HMGB1: variants seen among roughly 807,000 people sequenced by gnomAD.
HMGB1 encodes the protein high mobility group box 1.
For synonymous variants in HMGB1, 81 were observed against 84.0 expected (o/e 0.96, Z 0.19); for missense variants, 79 against 253.5 (o/e 0.31, Z 4.67).
chr13:30,505,212 C>CTT, intron 1 of HMGB1, among the ~76,000 whole-genome samples: 1 of 149,090 alleles, frequency 6.7e-6, no homozygotes, highest in East Asian at 2.0e-4. Flanking sequence ...GAGTCTTGCC[C>CTT]TTGTCACCCA....
intron 1 of HMGB1, among the ~76,000 whole-genome samples, chr13:30,509,128 G>A (rs950069481): frequency 7.9e-5 from 12 of 152,080 alleles, no homozygotes; most frequent in African/African-American, 2.9e-4. Flanking sequence ...GTAGAGATGG[G>A]GGTCTCACCA....
intron 1 of HMGB1, among the ~76,000 whole-genome samples, chr13:30,475,223 CTCT>C (rs1176589825): frequency 8.4e-5 from 7 of 83,784 alleles, no homozygotes; most frequent in Non-Finnish European, 1.7e-4. Context: ...CTCTCTCTCT[CTCT>C]TTTTTTTTTT....
intron 1 of HMGB1, chr13:30,464,094 G>A (rs1225301320): frequency 1.5e-5 from 15 of 985,816 alleles, no homozygotes; most frequent in Non-Finnish European, 1.7e-5. Flanking sequence ...GCACTAGATA[G>A]GGAATAAACA....
At chr13:30,529,639 G>A (rs2137484532) in intron 1 of HMGB1, among the ~76,000 whole-genome samples, 1 of 152,324 alleles carries the variant, frequency 6.6e-6, no homozygotes, top group South Asian at 2.1e-4. Context: ...GAGTCATTAT[G>A]ATGCCAGATT....
intron 1 of HMGB1, chr13:30,464,311 G>A (rs969713153): frequency 6.1e-6 from 6 of 985,428 alleles, no homozygotes; most frequent in Non-Finnish European, 7.2e-6. Flanking sequence ...GCCCTGAGAT[G>A]TATTTCTGTT....
chr13:30,567,838 T>C (rs1870254945), intron 1 of HMGB1, among the ~76,000 whole-genome samples: 3 of 152,234 alleles, frequency 2.0e-5, no homozygotes, highest in Admixed American at 6.5e-5. Flanking sequence ...TCTAGCTCTC[T>C]TGCTTGCTCT....
At chr13:30,596,905 T>C (rs1460193065) in intron 1 of HMGB1, among the ~76,000 whole-genome samples, 2 of 152,226 alleles carry the variant, frequency 1.3e-5, no homozygotes, top group African/African-American at 2.4e-5. Context: ...CTGAACCTCA[T>C]TACACTGCAA....
chr13:30,594,564 C>T (rs944457354), intron 1 of HMGB1, among the ~76,000 whole-genome samples: 2 of 152,194 alleles, frequency 1.3e-5, no homozygotes, highest in African/African-American at 4.8e-5. Context: ...TGATTTCATT[C>T]TTTTTAATGG....
rs977802319 is a variant in HMGB1, at chr13:30,554,128, T to C, written c.-15+62543A>G. 13 of 1,264,856 alleles carry C rather than the reference T, an allele frequency of 1.0e-5. No individual in the cohort carries two copies. The Admixed American group carries it at 2.2e-4, about 21-fold the overall frequency. The allele number at this position is 1,264,856 out of a possible 1,614,324, so 78.4% of individuals were successfully genotyped here. ...CTCTTTCAGAAGATGTGAAGTCATA[T>C]TACACAGTACATCTACTACGATTAG... On this transcript the variant is annotated intron_variant, in intron 1 of 4. Transcript: ENST00000405805.
At chr13:30,562,211 C>T (rs542397835) in intron 1 of HMGB1, among the ~76,000 whole-genome samples, 172 of 151,228 alleles carry the variant, frequency 1.1e-3, no homozygotes, top group Non-Finnish European at 2.0e-3. Flanking sequence ...GCAGGAGAAT[C>T]GCTTGAACCC....
At chr13:30,544,461 C>T (rs1458224380) in intron 1 of HMGB1, among the ~76,000 whole-genome samples, 3 of 152,206 alleles carry the variant, frequency 2.0e-5, no homozygotes, top group South Asian at 2.1e-4. Flanking sequence ...GGAAGAGGGG[C>T]GGAAGGTTGA....
intron 1 of HMGB1, among the ~76,000 whole-genome samples, chr13:30,589,171 A>G (rs767518605): frequency 7.3e-5 from 11 of 151,542 alleles, no homozygotes; most frequent in Non-Finnish European, 1.6e-4. Flanking sequence ...ATGCTCAGCT[A>G]ATTTTGTATT....
intron 1 of HMGB1, among the ~76,000 whole-genome samples, chr13:30,530,112 C>T (rs1888461617): frequency 6.6e-6 from 1 of 152,062 alleles, no homozygotes; most frequent in South Asian, 2.1e-4. Flanking sequence ...ATATAATACA[C>T]AATACAGTTG....
chr13:30,494,170 T>C (rs1238401710), intron 1 of HMGB1, among the ~76,000 whole-genome samples: 3 of 152,226 alleles, frequency 2.0e-5, no homozygotes, highest in Non-Finnish European at 4.4e-5. Context: ...TCTTGGTTAA[T>C]GTTCTCTTTC....
At position 30,458,737 on chromosome 13, in the gene HMGB1, C is replaced by G. The variant is rs1034555088; in HGVS notation, c.*2620G>C. ...TGAATGGCAGTTTGTGTTACATGGG[C>G]GCTTTTCTTATCTTTATCATTTAAT... On this transcript the variant is annotated 3_prime_UTR_variant, in exon 5 of 5. Transcript: ENST00000341423. 1 of 152,140 alleles carries G rather than the reference C, an allele frequency of 6.6e-6. No individual in the cohort carries two copies. Among genetic ancestry groups the G allele is most frequent in the Non-Finnish European group, 1.5e-5 (1 of 68,028 alleles). 9.4% of individuals were successfully genotyped at this position (152,140 alleles called of 1,614,324 possible).
chr13:30,562,798 G>A (rs1870019021), intron 1 of HMGB1, among the ~76,000 whole-genome samples: 1 of 152,154 alleles, frequency 6.6e-6, no homozygotes, highest in East Asian at 1.9e-4. Flanking sequence ...AATGGCAGAC[G>A]CTTGGCCTTG....
At chr13:30,548,035 A>T (rs978370329) in intron 1 of HMGB1, among the ~76,000 whole-genome samples, 1 of 152,176 alleles carries the variant, frequency 6.6e-6, no homozygotes, top group Admixed American at 6.5e-5. Context: ...TTTTTCTAAG[A>T]AAATTTGCAA....
intron 1 of HMGB1, among the ~76,000 whole-genome samples, chr13:30,572,645 T>G (rs1166615721): frequency 6.6e-6 from 1 of 152,348 alleles, no homozygotes; most frequent in East Asian, 1.9e-4. Flanking sequence ...TTGCTAATTC[T>G]TAGTGACTCC....
intron 1 of HMGB1, among the ~76,000 whole-genome samples, chr13:30,565,072 T>C (rs1180194125): frequency 1.3e-5 from 2 of 152,212 alleles, no homozygotes; most frequent in East Asian, 1.9e-4. Context: ...GTTTTAGAGA[T>C]GAGAACATTC....
Sources: allele counts gnomAD v4.1 joint callset (sites outside exome capture counted in the v4.1 genomes callset), GRCh38; gene constraint gnomAD v4.1.1; transcripts MANE v1.5; gene names NCBI Gene and HGNC (gene_info 2026-07-23, HGNC 2026-07-21).